TBX6: variants seen among roughly 807,000 people sequenced by gnomAD.
TBX6 encodes the protein T-box transcription factor TBX6.
In TBX6, 29 loss-of-function variants were observed where a neutral mutation model predicts 42.3. The ratio of observed to expected loss-of-function variants is 0.69; its 90% CI spans 0.51 to 0.93. The LOEUF is 0.93. TBX6 is among the 40% of genes least tolerant of loss of function. The pLI is 0.00. For synonymous variants in TBX6, 249 were observed against 245.1 expected (o/e 1.02, Z -0.15); for missense variants, 569 against 603.3 (o/e 0.94, Z 0.59).
At position 30,086,307 on chromosome 16, in the gene TBX6, TGC is replaced by T; in HGVS notation, c.1227_1228del (p.His410LeufsTer76). ...AGGGAAGGGGCCCCCTTGGAGAAAG[TGC>T]GGGGCAAAGGGTACCGCCGGTGGAG... On this transcript the variant is annotated frameshift_variant, in exon 9 of 9. Transcript: ENST00000395224. LOFTEE classifies it high-confidence loss of function. The surrounding 1 kb of genome is among the most constrained non-coding windows in gnomAD (Gnocchi z 4.6). The T allele has an allele frequency of 1.9e-6, 3 of 1,611,172 alleles. No homozygotes were observed. Among genetic ancestry groups the T allele is most frequent in the Non-Finnish European group, 2.5e-6 (3 of 1,179,134 alleles).
chr16:30,088,288 CTT>C lies in TBX6; in HGVS notation c.839+255_839+256del. 1 of 537,914 alleles carries C rather than the reference CTT, an allele frequency of 1.9e-6. No homozygotes were observed. Among genetic ancestry groups the C allele is most frequent in the South Asian group, 2.0e-5 (1 of 49,240 alleles). 33.3% of individuals were successfully genotyped at this position (537,914 alleles called of 1,614,324 possible). A position where few individuals can be genotyped will look rare whatever the true frequency, so the allele number is the denominator to read the frequency against. ...AACAGATGACATTTTATTTATTTCT[CTT>C]GTCTGCTTGTCTACTCTCCCCACTA... On this transcript the variant is annotated intron_variant, in intron 6 of 8. Transcript: ENST00000395224. The surrounding 1 kb of genome is among the most constrained non-coding windows in gnomAD (Gnocchi z 4.1).
chr16:30,091,049 T>G (rs757740497), intron 2 of TBX6, 27 bp downstream of exon 2: 7 of 1,590,344 alleles, frequency 4.4e-6, no homozygotes, highest in Non-Finnish European at 8.6e-7. Context: ...CCTATTCTCC[T>G]ACCCAGGAGC....
Position 30,090,770 on chromosome 16 carries a change from G to GA in TBX6, c.340_341insT (p.Thr114IlefsTer57). On this transcript the variant is annotated frameshift_variant, in exon 3 of 9. Coordinates refer to ENST00000395224, the MANE Select transcript of TBX6 (RefSeq NM_004608.4). LOFTEE classifies it high-confidence loss of function. ...GCCAGCCCCTCACCTCCCAGCTTTG[G>GA]TGATGATCATTTCTGTTCCCACAGA... 6.2e-7 allele frequency: 1 copy of GA among 1,609,646 alleles called. No homozygotes were observed. Among genetic ancestry groups the GA allele is most frequent in the Non-Finnish European group, 8.5e-7 (1 of 1,177,952 alleles).
chr16:30,088,127 CAG>C lies in TBX6; in HGVS notation c.839+416_839+417del, dbSNP rs1322873333. The stretch of plus-strand genomic sequence containing the variant: ...CTAATTTTTGTATTTTTAGCAGAGA[CAG>C]GGTTTCACCATGTTGGCAGGCTGGT... On this transcript the variant is annotated intron_variant, in intron 6 of 8. Coordinates refer to ENST00000395224, the MANE Select transcript of TBX6 (RefSeq NM_004608.4). The surrounding 1 kb of genome is among the most constrained non-coding windows in gnomAD (Gnocchi z 4.1). 1 of 238,598 alleles carries C rather than the reference CAG, an allele frequency of 4.2e-6. No individual in the cohort carries two copies. The highest frequency in any genetic ancestry group is 2.3e-5 in the African/African-American group (1 of 43,298). The allele number at this position is 238,598 out of a possible 1,614,324, so 14.8% of individuals were successfully genotyped here.
chr16:30,088,865 T>A lies in TBX6; in HGVS notation c.622-26A>T. 6.2e-7 allele frequency: 1 copy of A among 1,610,754 alleles called. No individual in the cohort carries two copies. Among genetic ancestry groups the A allele is most frequent in the East Asian group, 2.2e-5 (1 of 44,798 alleles). On this transcript the variant is annotated intron_variant, in intron 4 of 8. Transcript: ENST00000395224. This position sits in a 1 kb window ranked among gnomAD's most constrained non-coding sequence, Gnocchi z 4.1. ...CTGGGAGGGAGGAAATGGGAGTGATTCCCTGCCCTGCGCCTCACCCTTGGC... is the reference window on the plus strand; with the variant it reads ...CTGGGAGGGAGGAAATGGGAGTGATACCCTGCCCTGCGCCTCACCCTTGGC...
Position 30,086,232 on chromosome 16 carries a change from A to G in TBX6, c.1304T>C (p.Met435Thr), listed in dbSNP as rs2072625047. The change falls in exon 9 of 9, where the codon ATG becomes ACG. Residue 435 changes from methionine (M) to threonine (T), a missense_variant. Physicochemically the swap from Met to Thr is moderately conservative, Grantham distance 81. Coordinates refer to ENST00000395224, the MANE Select transcript of TBX6 (RefSeq NM_004608.4). The surrounding 1 kb of genome is among the most constrained non-coding windows in gnomAD (Gnocchi z 4.6). ...GAGGGGCCCAGCAGTGGTTCAGTACATGGGTTTGGAGCCCACATCCAGATA... is the reference window on the plus strand; with the variant it reads ...GAGGGGCCCAGCAGTGGTTCAGTACGTGGGTTTGGAGCCCACATCCAGATA... ...GGYLDVGSKP[M>T]Y 1.9e-6 allele frequency: 3 copies of G among 1,611,466 alleles called. No individual in the cohort carries two copies. Among genetic ancestry groups the G allele is most frequent in the African/African-American group, 1.3e-5 (1 of 74,874 alleles).
Position 30,091,205 on chromosome 16 carries a change from G to A in TBX6, c.-12C>T. 2 of 1,550,186 alleles carry A rather than the reference G, an allele frequency of 1.3e-6. No homozygotes were observed. Among genetic ancestry groups the A allele is most frequent in the Non-Finnish European group, 1.7e-6 (2 of 1,149,762 alleles). On this transcript the variant is annotated 5_prime_UTR_variant, in exon 2 of 9. It adds an upstream start codon to the 5' untranslated region. Coordinates refer to ENST00000395224, the MANE Select transcript of TBX6 (RefSeq NM_004608.4). ...CGTGGATGGTACATGTTGTAGTTCC[G>A]TCTGGCCTCAGGTCTCGCTGCTTAG...
intron 1 of TBX6, 137 bp from the exon 2 acceptor site, chr16:30,091,378 G>C: frequency 1.7e-6 from 1 of 574,202 alleles, no homozygotes; most frequent in Non-Finnish European, 3.0e-6. Flanking sequence ...GAGGGGGTCG[G>C]ATACCTGGGT....
At position 30,088,658 on chromosome 16, in the gene TBX6, AG is replaced by A; in HGVS notation, c.768+34del. The A allele has an allele frequency of 1.4e-5, 22 of 1,614,104 alleles. No homozygotes were observed. Among genetic ancestry groups the A allele is most frequent in the Non-Finnish European group, 1.9e-5 (22 of 1,180,010 alleles). ...GGGTCAAAGCAACTGCGGTCTGGGC[AG>A]GGGGCCACCACCCCCTCAAGCAGGG... On this transcript the variant is annotated intron_variant, in intron 5 of 8. Transcript: ENST00000395224. The surrounding 1 kb of genome is among the most constrained non-coding windows in gnomAD (Gnocchi z 4.1).
chr16:30,085,811 C>CT lies in TBX6; in HGVS notation c.*413dup, dbSNP rs2072615832. The CT allele has an allele frequency of 9.5e-6, 2 of 210,556 alleles. No homozygotes were observed. Among genetic ancestry groups the CT allele is most frequent in the African/African-American group, 4.8e-5 (2 of 41,906 alleles). The allele number at this position is 210,556 out of a possible 1,614,324, so 13.0% of individuals were successfully genotyped here. A position where few individuals can be genotyped will look rare whatever the true frequency, so the allele number is the denominator to read the frequency against. ...CCCAATGTTTCCTGAGCATGGATGG[C>CT]TTTTGAGTTTTATTAACAAAAATAC... On this transcript the variant is annotated 3_prime_UTR_variant, in exon 9 of 9. Transcript: ENST00000395224.
At chr16:30,089,808 T>C (rs771495485) in intron 3 of TBX6, among the ~76,000 whole-genome samples, 1 of 151,626 alleles carries the variant, frequency 6.6e-6, no homozygotes, top group African/African-American at 2.4e-5. Context: ...TGTGTGCCTA[T>C]AGTCCCAGCT....
Position 30,086,731 on chromosome 16 carries a change from G to T in TBX6, c.914-36C>A, listed in dbSNP as rs188610191. On this transcript the variant is annotated intron_variant, in intron 7 of 8. Transcript: ENST00000395224. The surrounding 1 kb of genome is among the most constrained non-coding windows in gnomAD (Gnocchi z 4.6). ...GGAAGGGAGAGGTTGGGCTAGGGAG[G>T]ATCCCTGTCTCAGGCCTGGCCCCAT... The T allele has an allele frequency of 3.0e-4, 486 of 1,613,248 alleles. No homozygotes were observed. The highest frequency in any genetic ancestry group is 4.0e-4 in the Non-Finnish European group (467 of 1,179,564).
In TBX6 at chr16:30,086,528, T is replaced by C. The variant is rs2072632933; in HGVS notation, c.1081A>G (p.Ser361Gly). 4.0e-6 allele frequency: 6 copies of C among 1,513,146 alleles called. No individual in the cohort carries two copies. The highest frequency in any genetic ancestry group is 5.3e-6 in the Non-Finnish European group (6 of 1,133,974). 93.7% of individuals were successfully genotyped at this position (1,513,146 alleles called of 1,614,324 possible). ...CCCACTCACCTGGTGGGAAGGTGAC[T>C]GGGGGCCCCATGGAAAGCCGCAGGG... ...LHPAAFHGAP[S>G]HLPTRSPSFP... The change falls in exon 8 of 9, where the codon AGT (serine) becomes GGT (glycine). Residue 361 changes from serine to glycine, a missense_variant. Around this residue, in one of 3 missense-constraint regions of TBX6, gnomAD observed 245 missense variants for 227.4 expected, o/e 1.08. Coordinates refer to ENST00000395224, the MANE Select transcript of TBX6 (RefSeq NM_004608.4). This position sits in a 1 kb window ranked among gnomAD's most constrained non-coding sequence, Gnocchi z 4.6.
Position 30,090,855 on chromosome 16 carries a change from G to T in TBX6, c.256C>A (p.His86Asn). ...EPAPSAPEALHSLPGVSLSLE... is the reference protein window; with the variant it reads ...EPAPSAPEALNSLPGVSLSLE... Reference sequence around the variant, plus strand: ...CTCAGGCTGACCCCCGGGAGGGAATGGAGGGCCTCTGGAGCTGATGGGGCC... The same window carrying T: ...CTCAGGCTGACCCCCGGGAGGGAATTGAGGGCCTCTGGAGCTGATGGGGCC... Residue 86 changes from histidine to asparagine, a missense_variant, in exon 3 of 9, where the codon CAT (histidine) becomes AAT (asparagine). Physicochemically the swap from His to Asn is moderately conservative, Grantham distance 68. This residue lies in a region of TBX6 where 134 missense variants were observed against 125.3 expected (regional missense o/e 1.07). Transcript: ENST00000395224. The T allele has an allele frequency of 1.2e-6, 2 of 1,606,064 alleles. No individual in the cohort carries two copies. Among genetic ancestry groups the T allele is most frequent in the South Asian group, 1.1e-5 (1 of 90,238 alleles).
rs747410580 is a variant in TBX6, at chr16:30,086,310, G to A, written c.1226C>T (p.Pro409Leu). ...GAAGGGGCCCCCTTGGAGAAAGTGC[G>A]GGGCAAAGGGTACCGCCGGTGGAGC... is the stretch of plus-strand genomic sequence containing the variant. ...PAAPPAVPFA[P>L]HFLQGGPFPL... The change falls in exon 9 of 9, where the codon CCG becomes CTG. Residue 409 changes from proline to leucine, a missense_variant. Physicochemically the swap from Pro to Leu is moderately conservative, Grantham distance 98. This residue lies in a region of TBX6 where 245 missense variants were observed against 227.4 expected (regional missense o/e 1.08). Coordinates refer to ENST00000395224, the MANE Select transcript of TBX6 (RefSeq NM_004608.4). This position sits in a 1 kb window ranked among gnomAD's most constrained non-coding sequence, Gnocchi z 4.6. The A allele has an allele frequency of 2.4e-5, 38 of 1,610,226 alleles. No individual in the cohort carries two copies. Among genetic ancestry groups the A allele is most frequent in the African/African-American group, 1.3e-5 (1 of 74,750 alleles).
At chr16:30,087,453 A>G (rs1567340786) in intron 6 of TBX6, among the ~76,000 whole-genome samples, 1 of 152,050 alleles carries the variant, frequency 6.6e-6, no homozygotes, top group Non-Finnish European at 1.5e-5. Flanking sequence ...CCGAGAGCAC[A>G]CACCCCTCCC....
chr16:30,089,069 C>T lies in TBX6; in HGVS notation c.495G>A (p.Glu165=), dbSNP rs1226096378. 1.9e-6 allele frequency: 3 copies of T among 1,613,828 alleles called. No individual in the cohort carries two copies. The highest frequency in any genetic ancestry group is 1.6e-4 in the Middle Eastern group (1 of 6,062). The change falls in exon 4 of 9, where the codon GAG becomes GAA. Residue 165 remains glutamate (E), a synonymous_variant. Transcript: ENST00000395224. ...TGTAGACACGGTCAGGCAGGCGGGG[C>T]TCTGCCTTGCCGCTGGGCTCCCAGC... ...GRRWEPSGKA[E]PRLPDRVYIH...
In TBX6 at chr16:30,088,397, G is replaced by T; in HGVS notation, c.839+148C>A. ...TGCCTGGAACTGTCCCTGGCACATAGCAGGTACTATATAAGTATTTGCTGA... is the reference window on the plus strand; with the variant it reads ...TGCCTGGAACTGTCCCTGGCACATATCAGGTACTATATAAGTATTTGCTGA... On this transcript the variant is annotated intron_variant, in intron 6 of 8. Coordinates refer to ENST00000395224, the MANE Select transcript of TBX6 (RefSeq NM_004608.4). The surrounding 1 kb of genome is among the most constrained non-coding windows in gnomAD (Gnocchi z 4.1). 1 of 1,114,332 alleles carries T rather than the reference G, an allele frequency of 9.0e-7. No individual in the cohort carries two copies. Among genetic ancestry groups the T allele is most frequent in the Non-Finnish European group, 1.3e-6 (1 of 759,044 alleles). 69.0% of individuals were successfully genotyped at this position (1,114,332 alleles called of 1,614,324 possible).
At position 30,088,558 on chromosome 16, in the gene TBX6, T is replaced by C; in HGVS notation, c.826A>G (p.Arg276Gly). Reference protein sequence around the residue: ...PFAKGFRENGRNCKRERDARV... With the variant: ...PFAKGFRENGGNCKRERDARV... ...AACAACTCCCACCTCTTACAGTTTC[T>C]GCCGTTCTCCCGGAAGCCTTTGGCA... The change falls in exon 6 of 9, where the codon AGA (arginine) becomes GGA (glycine). Residue 276 changes from arginine to glycine, a missense_variant. Arg to Gly is a moderately radical substitution (Grantham distance 125). This residue lies in a region of TBX6 where 245 missense variants were observed against 227.4 expected (regional missense o/e 1.08). Transcript: ENST00000395224. This position sits in a 1 kb window ranked among gnomAD's most constrained non-coding sequence, Gnocchi z 4.1. 1 of 1,614,230 alleles carries C rather than the reference T, an allele frequency of 6.2e-7. No individual in the cohort carries two copies. The highest frequency in any genetic ancestry group is 8.5e-7 in the Non-Finnish European group (1 of 1,180,038).
Sources: allele counts gnomAD v4.1 joint callset (sites outside exome capture counted in the v4.1 genomes callset), GRCh38; gene constraint gnomAD v4.1.1; regional missense constraint gnomAD v4.1.1; non-coding constraint Gnocchi (gnomAD v3.1); transcripts MANE v1.5; gene names NCBI Gene and HGNC (gene_info 2026-07-23, HGNC 2026-07-21).